Variants in MBD5 observed in about 807,000 individuals in gnomAD.
MBD5 encodes methyl-CpG-binding domain protein 5.
Under a neutral mutation model 117.3 loss-of-function variants are expected in MBD5, and 13 were observed. The ratio of observed to expected loss-of-function variants is 0.11; its 90% CI spans 0.07 to 0.18. The LOEUF (loss-of-function observed/expected upper bound fraction) is 0.18. Among genes scored for constraint, MBD5 ranks in the 10% least tolerant of loss-of-function variants. MBD5 has a pLI of 1.00. For synonymous variants in MBD5, 727 were observed against 766.4 expected, an observed-to-expected ratio of 0.95 and a Z score of 0.85; for missense variants, 1,879 against 2,093.8, an observed-to-expected ratio of 0.90 and a Z score of 2.00.
intron 1 of MBD5, among the ~76,000 whole-genome samples, chr2:148,141,062 G>A (rs1256706397): frequency 2.6e-5 from 4 of 152,040 alleles, no homozygotes; most frequent in Admixed American, 6.6e-5. Flanking sequence ...GTCAGGCACC[G>A]CGCCCAGCTG....
chr2:148,087,811 T>C (rs1012011685), intron 1 of MBD5, among the ~76,000 whole-genome samples: 2 of 152,324 alleles, frequency 1.3e-5, no homozygotes, highest in East Asian at 1.9e-4. Flanking sequence ...AACTAGGTTC[T>C]GTAACACCCC....
chr2:148,127,813 T>C (rs1364752303), intron 1 of MBD5, among the ~76,000 whole-genome samples: 3 of 152,212 alleles, frequency 2.0e-5, no homozygotes, highest in Non-Finnish European at 4.4e-5. Context: ...ACCCACACTG[T>C]CTTTCACAAT....
At chr2:148,381,167 T>A (rs1704131174) in intron 4 of MBD5, among the ~76,000 whole-genome samples, 1 of 151,904 alleles carries the variant, frequency 6.6e-6, no homozygotes, top group Non-Finnish European at 1.5e-5. Context: ...ATCAAACTAC[T>A]CTGAGCTAAA....
intron 4 of MBD5, among the ~76,000 whole-genome samples, chr2:148,409,529 TCTGAAGTG>T (rs1463111358): frequency 3.3e-5 from 5 of 152,190 alleles, no homozygotes; most frequent in Non-Finnish European, 7.3e-5. Flanking sequence ...TAAGTGTAGC[TCTGAAGTG>T]TTTTCTAAAA....
chr2:148,469,931 C>T lies in MBD5; in HGVS notation c.1988C>T (p.Pro663Leu). The T allele has an allele frequency of 1.2e-6, 2 of 1,613,978 alleles. No individual in the cohort carries two copies. The highest frequency in any genetic ancestry group is 2.2e-5 in the South Asian group (2 of 91,082). The change falls in exon 8 of 14, where the codon CCT becomes CTT. Residue 663 changes from proline (P) to leucine (L), a missense_variant. By Grantham distance (98) the Pro-to-Leu change is moderately conservative. Around this residue, in one of 4 missense-constraint regions of MBD5, gnomAD observed 1,666 missense variants for 1,792.2 expected, o/e 0.93. Coordinates refer to ENST00000642680, the MANE Select transcript of MBD5 (RefSeq NM_001378120.1). ...GCATTGCGGAAAAGAAAACAACCAC[C>T]TACGACAGTGTTGAGTTTGCTCAGA... ...KDALRKRKQP[P>L]TTVLSLLRQS...
chr2:148,209,491 A>G (rs1186065019), intron 2 of MBD5, among the ~76,000 whole-genome samples: 1 of 151,942 alleles, frequency 6.6e-6, no homozygotes, highest in African/African-American at 2.4e-5. Flanking sequence ...CCCATTCCCC[A>G]GAACTGTGAG....
intron 4 of MBD5, among the ~76,000 whole-genome samples, chr2:148,408,864 G>A (rs942007560): frequency 6.6e-6 from 1 of 151,846 alleles, no homozygotes; most frequent in Non-Finnish European, 1.5e-5. Context: ...AAACAATGCA[G>A]TATAGCAACC....
At chr2:148,165,807 A>G (rs141919178) in intron 1 of MBD5, among the ~76,000 whole-genome samples, 189 of 152,248 alleles carry the variant, frequency 1.2e-3, no homozygotes, top group African/African-American at 4.3e-3. Flanking sequence ...TTAATATTTG[A>G]TTAGTTTTAA....
At chr2:148,294,226 T>G (rs200506774) in intron 3 of MBD5, among the ~76,000 whole-genome samples, 76,751 of 131,702 alleles carry the variant, frequency 0.58, 23,390 homozygotes, top group Admixed American at 0.72. Context: ...TTTTTTTTTT[T>G]TTTTTTTTTT....
At chr2:148,090,468 CG>C (rs1388045399) in intron 1 of MBD5, among the ~76,000 whole-genome samples, 2 of 152,032 alleles carry the variant, frequency 1.3e-5, no homozygotes, top group East Asian at 3.9e-4. Flanking sequence ...CCGAATCCAA[CG>C]GCATATCAAA....
chr2:148,468,298 G>T (rs757795082), intron 7 of MBD5, 43 bp from the exon 8 acceptor site: 1 of 1,548,176 alleles, frequency 6.5e-7, no homozygotes, highest in East Asian at 2.3e-5. Context: ...CCACAAAAGA[G>T]TTGAGACTGT....
At chr2:148,291,524 A>C (rs1432878947) in intron 3 of MBD5, among the ~76,000 whole-genome samples, 1 of 151,930 alleles carries the variant, frequency 6.6e-6, no homozygotes, top group Non-Finnish European at 1.5e-5. Flanking sequence ...AAAATAACCA[A>C]TTTTTTTTAA....
intron 4 of MBD5, among the ~76,000 whole-genome samples, chr2:148,416,579 TTTGTA>T (rs1192007197): frequency 6.6e-6 from 1 of 152,222 alleles, no homozygotes; most frequent in Non-Finnish European, 1.5e-5. Flanking sequence ...TAACTAGTCT[TTTGTA>T]TTAGGACATT....
intron 2 of MBD5, among the ~76,000 whole-genome samples, chr2:148,221,204 T>G (rs974332275): frequency 6.6e-6 from 1 of 152,126 alleles, no homozygotes; most frequent in Non-Finnish European, 1.5e-5. Flanking sequence ...CTTCCAAATT[T>G]TGGCTATTGT....
intron 12 of MBD5, among the ~76,000 whole-genome samples, chr2:148,509,541 C>T (rs911146112): frequency 1.3e-5 from 2 of 152,204 alleles, no homozygotes; most frequent in African/African-American, 4.8e-5. Context: ...AAGCTGTTTC[C>T]CACCCCGGAA....
intron 3 of MBD5, among the ~76,000 whole-genome samples, chr2:148,338,114 A>G (rs114469360): frequency 2.0e-5 from 3 of 152,164 alleles, no homozygotes; most frequent in Non-Finnish European, 4.4e-5. Context: ...CAGGGTTATT[A>G]CACTGAATAG....
intron 4 of MBD5, among the ~76,000 whole-genome samples, chr2:148,457,067 T>C (rs939015846): frequency 6.6e-6 from 1 of 152,186 alleles, no homozygotes; most frequent in Non-Finnish European, 1.5e-5. Flanking sequence ...TTGAAATACG[T>C]GTTGTCTAAA....
rs1696654405 is a variant in MBD5 at position 148,116,941 on chromosome 2, T to A, written c.-924-61759T>A. The stretch of plus-strand genomic sequence containing the variant: ...TGGTTTTAACTACTGATTAAGTGTA[T>A]GATGAACTGGTAGAATGGAAGTTCA... On this transcript the variant is annotated intron_variant, in intron 1 of 13. Transcript: ENST00000642680. 1.3e-5 allele frequency among the ~76,000 whole-genome samples: 2 copies of A among 152,220 alleles called. 1 individual carries two copies. The highest frequency in any genetic ancestry group is 4.1e-4 in the South Asian group (2 of 4,830).
intron 2 of MBD5, among the ~76,000 whole-genome samples, chr2:148,200,586 G>A (rs558913179): frequency 3.9e-5 from 6 of 152,002 alleles, no homozygotes; most frequent in South Asian, 2.1e-4. Context: ...CCAGCTACTC[G>A]GGAGGCTGAG....
Sources: allele counts gnomAD v4.1 joint callset (sites outside exome capture counted in the v4.1 genomes callset), GRCh38; gene constraint gnomAD v4.1.1; regional missense constraint gnomAD v4.1.1; transcripts MANE v1.5; gene names NCBI Gene and HGNC (gene_info 2026-07-23, HGNC 2026-07-21).